Variants in KCNT2 observed in about 807,000 individuals in gnomAD.
The protein encoded by KCNT2 is potassium sodium-activated channel subfamily T member 2, also known as potassium channel subfamily T member 2.
A neutral mutation model predicts 153.8 loss-of-function variants in KCNT2; 67 were observed. The observed-to-expected ratio is 0.44, with a 90% confidence interval of 0.36 to 0.53. The LOEUF is 0.53. Ranked by LOEUF, KCNT2 falls within the 20% of genes least tolerant of loss-of-function variation. The pLI, the probability that KCNT2 is intolerant of heterozygous loss-of-function variation, is 0.00. For synonymous variants in KCNT2, 500 were observed against 458.8 expected (o/e 1.09, Z -1.15); for missense variants, 975 against 1,354.8 (o/e 0.72, Z 4.40).
chr1:196,275,971 A>G (rs1658529269), intron 25 of KCNT2, among the ~76,000 whole-genome samples: 1 of 152,090 alleles, frequency 6.6e-6, no homozygotes, highest in African/African-American at 2.4e-5. Flanking sequence ...ATAGCAGCTT[A>G]TAGCATAATA....
chr1:196,428,269 A>G lies in KCNT2; in HGVS notation c.820T>C (p.Phe274Leu), dbSNP rs985287936. 6.2e-7 allele frequency: 1 copy of G among 1,609,498 alleles called. No individual in the cohort carries two copies. The highest frequency in any genetic ancestry group is 8.5e-7 in the Non-Finnish European group (1 of 1,176,606). The change falls in exon 10 of 28, where the codon TTT (phenylalanine) becomes CTT (leucine). Residue 274 changes from phenylalanine (F) to leucine (L), a missense_variant and splice_region_variant. Around this residue, in one of 6 missense-constraint regions of KCNT2, gnomAD observed 202 missense variants for 314.9 expected, o/e 0.64. Coordinates refer to ENST00000294725, the MANE Select transcript of KCNT2 (RefSeq NM_198503.5). ...ATCCACAAATAAGCCAGCTGTTCAA[A>G]CTGTAATATATTTTCCACATGTGAA... The part of the protein sequence containing the change: ...CVALVVLPIQ[F>L]EQLAYLWMER...
chr1:196,562,928 T>C (rs1659613493), intron 1 of KCNT2, among the ~76,000 whole-genome samples: 2 of 152,044 alleles, frequency 1.3e-5, no homozygotes, highest in Admixed American at 1.3e-4. Flanking sequence ...TGCTTTAAAC[T>C]CATCCTAGTT....
At chr1:196,474,742 A>T (rs1305256436) in intron 5 of KCNT2, among the ~76,000 whole-genome samples, 1 of 152,224 alleles carries the variant, frequency 6.6e-6, no homozygotes, top group Non-Finnish European at 1.5e-5. Context: ...TTTTGAAAGC[A>T]GTTGATAAAG....
intron 1 of KCNT2, among the ~76,000 whole-genome samples, chr1:196,596,786 C>T (rs1392617251): frequency 1.3e-5 from 2 of 152,070 alleles, no homozygotes; most frequent in African/African-American, 2.4e-5. Context: ...ACCGCAGCCT[C>T]GACCTCCCAA....
intron 21 of KCNT2, among the ~76,000 whole-genome samples, chr1:196,305,552 C>A (rs970070096): frequency 6.6e-6 from 1 of 151,924 alleles, no homozygotes; most frequent in African/African-American, 2.4e-5. Context: ...CATTTTAGCA[C>A]AATAAGAAAA....
At chr1:196,539,385 T>C (rs1049322918) in intron 1 of KCNT2, among the ~76,000 whole-genome samples, 24 of 152,154 alleles carry the variant, frequency 1.6e-4, no homozygotes, top group African/African-American at 5.8e-4. Context: ...AGATTATGGG[T>C]ATATTTCAAT....
intron 20 of KCNT2, 149 bp from the exon 21 acceptor site, chr1:196,316,175 A>G: frequency 2.2e-6 from 1 of 458,692 alleles, no homozygotes; most frequent in East Asian, 3.4e-5. Context: ...ATTAAAGGGA[A>G]TTATGATACA....
At chr1:196,607,790 G>C (rs1280927810) in intron 1 of KCNT2, among the ~76,000 whole-genome samples, 1 of 152,200 alleles carries the variant, frequency 6.6e-6, no homozygotes, top group African/African-American at 2.4e-5. Context: ...GAGATTTTAA[G>C]TTTCTAATGT....
chr1:196,434,831 T>C (rs528587373), intron 8 of KCNT2, among the ~76,000 whole-genome samples: 205 of 151,814 alleles, frequency 1.4e-3, no homozygotes, highest in African/African-American at 4.5e-3. Context: ...CTTGATACCC[T>C]GAGACCACCA....
chr1:196,536,982 G>T (rs1231162185), intron 1 of KCNT2, among the ~76,000 whole-genome samples: 2 of 152,132 alleles, frequency 1.3e-5, no homozygotes, highest in East Asian at 3.9e-4. Flanking sequence ...TTCCATAGTT[G>T]GGACCAATAG....
chr1:196,332,662 C>T (rs1558156062), intron 17 of KCNT2, among the ~76,000 whole-genome samples: 1 of 152,020 alleles, frequency 6.6e-6, no homozygotes, highest in African/African-American at 2.4e-5. Flanking sequence ...ACTAATTGAA[C>T]GCTTACTCTA....
chr1:196,514,362 T>G (rs185038376), intron 1 of KCNT2, among the ~76,000 whole-genome samples: 202 of 152,312 alleles, frequency 1.3e-3, no homozygotes, highest in African/African-American at 4.4e-3. Context: ...TCCCTTCTTT[T>G]TATGTACTAA....
chr1:196,382,264 A>AT (rs1224281911), intron 13 of KCNT2, among the ~76,000 whole-genome samples: 3 of 131,150 alleles, frequency 2.3e-5, no homozygotes, highest in Non-Finnish European at 5.2e-5. Flanking sequence ...ACACCCGGCT[A>AT]TTTTTTATTT....
intron 25 of KCNT2, among the ~76,000 whole-genome samples, chr1:196,276,129 T>A (rs1163351828): frequency 2.0e-5 from 3 of 152,066 alleles, no homozygotes; most frequent in Non-Finnish European, 4.4e-5. Flanking sequence ...CTTCTCACTC[T>A]GCAAGAAGAG....
intron 25 of KCNT2, among the ~76,000 whole-genome samples, chr1:196,270,352 T>C (rs1657952421): frequency 6.6e-6 from 1 of 152,036 alleles, no homozygotes; most frequent in African/African-American, 2.4e-5. Context: ...AAAAGGTTCA[T>C]TTTATGTCTA....
intron 1 of KCNT2, among the ~76,000 whole-genome samples, chr1:196,603,971 G>A (rs116137336): frequency 0.015 from 2,231 of 152,268 alleles, 60 homozygotes; most frequent in African/African-American, 0.051. Context: ...TTACTGCTTT[G>A]TGAATCATAG....
chr1:196,328,183 A>T (rs765101171), intron 18 of KCNT2, among the ~76,000 whole-genome samples: 1 of 152,194 alleles, frequency 6.6e-6, no homozygotes, highest in Non-Finnish European at 1.5e-5. Flanking sequence ...GCAGGTAGAT[A>T]TTAAAAATAA....
intron 1 of KCNT2, among the ~76,000 whole-genome samples, chr1:196,590,773 G>A (rs1381717936): frequency 1.3e-5 from 2 of 152,104 alleles, no homozygotes; most frequent in East Asian, 1.9e-4. Flanking sequence ...TTTTATAGGT[G>A]TATTCTCTTC....
Position 196,340,694 on chromosome 1 carries a change from A to G in KCNT2, c.1554-124T>C, listed in dbSNP as rs901203629. The G allele has an allele frequency of 9.1e-5, 57 of 624,124 alleles. No homozygotes were observed. The Middle Eastern group carries it at 2.6e-3, about 28-fold the overall frequency. 38.7% of individuals were successfully genotyped at this position (624,124 alleles called of 1,614,324 possible). On this transcript the variant is annotated intron_variant, in intron 15 of 27. Transcript: ENST00000294725. ...ATGATCCTAGAAGTTCAAGATCCTCATTTTTACAGGAAAATAAACTATGTG... is the reference window on the plus strand; with the variant it reads ...ATGATCCTAGAAGTTCAAGATCCTCGTTTTTACAGGAAAATAAACTATGTG...
Sources: allele counts gnomAD v4.1 joint callset (sites outside exome capture counted in the v4.1 genomes callset), GRCh38; gene constraint gnomAD v4.1.1; regional missense constraint gnomAD v4.1.1; transcripts MANE v1.5; gene names NCBI Gene and HGNC (gene_info 2026-07-23, HGNC 2026-07-21).